The following KANK1 variants were observed in gnomAD, a reference collection of about 807,000 sequenced individuals.
KANK1 encodes the protein KN motif and ankyrin repeat domains 1.
KANK1 carries 109 observed loss-of-function variants against 106.2 expected under a neutral mutation model. The observed-to-expected ratio is 1.03, with a 90% CI of 0.88 to 1.20. The LOEUF is 1.20. Ranked by LOEUF, KANK1 falls within the 50% of genes most tolerant of loss-of-function variation. The probability of loss-of-function intolerance (pLI) is 0.00; values close to 1 mark genes in which losing one functional copy is unlikely to be tolerated. For synonymous variants in KANK1, 873 were observed against 652.2 expected (o/e 1.34, Z -5.16); for missense variants, 2,399 against 1,710.7 (o/e 1.40, Z -7.10).
At chr9:553,243 C>T (rs1298507669) in intron 1 of KANK1, among the ~76,000 whole-genome samples, 1 of 152,154 alleles carries the variant, frequency 6.6e-6, no homozygotes, top group Non-Finnish European at 1.5e-5. Context: ...ACAACCTCTA[C>T]CTTCCAGGGA....
intron 1 of KANK1, among the ~76,000 whole-genome samples, chr9:629,114 C>T (rs916058077): frequency 6.6e-6 from 1 of 151,540 alleles, no homozygotes; most frequent in Admixed American, 6.6e-5. Flanking sequence ...GCATGCTTTT[C>T]CTTTCTCTGT....
At chr9:700,046 A>G (rs1368219682) in intron 2 of KANK1, among the ~76,000 whole-genome samples, 1 of 152,216 alleles carries the variant, frequency 6.6e-6, no homozygotes, top group Non-Finnish European at 1.5e-5. Flanking sequence ...GTATTGGTGA[A>G]TTGCAGTAGG....
At chr9:594,738 C>G (rs575783136) in intron 1 of KANK1, among the ~76,000 whole-genome samples, 3 of 151,704 alleles carry the variant, frequency 2.0e-5, no homozygotes, top group Middle Eastern at 3.4e-3. Context: ...TCAGTTGTTT[C>G]TAGAATTTAA....
At chr9:499,546 C>T (rs1183510469) in intron 3 of KANK1, among the ~76,000 whole-genome samples, 1 of 152,164 alleles carries the variant, frequency 6.6e-6, no homozygotes, top group Non-Finnish European at 1.5e-5. Context: ...AGGCTGCTAC[C>T]AACTGCCATC....
At chr9:506,356 A>G (rs773759291) in intron 1 of KANK1, among the ~76,000 whole-genome samples, 2 of 152,212 alleles carry the variant, frequency 1.3e-5, no homozygotes, top group Admixed American at 6.5e-5. Context: ...GTTAAAATGA[A>G]TAAGGATGGA....
intron 10 of KANK1, among the ~76,000 whole-genome samples, chr9:744,046 C>G (rs1288823778): frequency 1.3e-5 from 2 of 152,208 alleles, no homozygotes; most frequent in African/African-American, 4.8e-5. Flanking sequence ...TGCTTACACA[C>G]AGATGTTACT....
chr9:521,404 G>T (rs1201739986), intron 1 of KANK1, among the ~76,000 whole-genome samples: 1 of 151,454 alleles, frequency 6.6e-6, no homozygotes, highest in Non-Finnish European at 1.5e-5. Context: ...GGTGCACCAA[G>T]CCTCAGCTGG....
At position 732,395 on chromosome 9, in the gene KANK1, G is replaced by A; in HGVS notation, c.3023G>A (p.Ser1008Asn). 1 of 1,611,824 alleles carries A rather than the reference G, an allele frequency of 6.2e-7. No homozygotes were observed. Among genetic ancestry groups the A allele is most frequent in the Non-Finnish European group, 8.5e-7 (1 of 1,178,038 alleles). Residue 1008 changes from serine (S) to asparagine (N), a missense_variant, in exon 6 of 12, where the codon AGT (serine) becomes AAT (asparagine). Transcript: ENST00000382297. ...CCACCTAGGTATGAAACAACTTCAAGTGATGATTCCAGCTCAGATGAAAGC... is the reference window on the plus strand; with the variant it reads ...CCACCTAGGTATGAAACAACTTCAAATGATGATTCCAGCTCAGATGAAAGC... ...GINGGYETTSSDDSSSDESSS... is the reference protein window; with the variant it reads ...GINGGYETTSNDDSSSDESSS...
intron 1 of KANK1, among the ~76,000 whole-genome samples, chr9:554,037 A>G (rs968244249): frequency 3.2e-4 from 49 of 152,194 alleles, no homozygotes; most frequent in African/African-American, 8.9e-4. Context: ...ATTTTTGACA[A>G]GTTACCAGCT....
At chr9:514,709 G>C (rs2059204361) in intron 1 of KANK1, among the ~76,000 whole-genome samples, 2 of 151,628 alleles carry the variant, frequency 1.3e-5, no homozygotes, top group Non-Finnish European at 2.9e-5. Flanking sequence ...TGAACGTTAG[G>C]TTTCTAGTTT....
chr9:647,076 C>G (rs889171490), intron 1 of KANK1, among the ~76,000 whole-genome samples: 1 of 151,086 alleles, frequency 6.6e-6, no homozygotes, highest in Non-Finnish European at 1.5e-5. Flanking sequence ...GAAGCCATCC[C>G]CATGACTTTG....
At chr9:473,694 G>T (rs2058057368) in intron 3 of KANK1, among the ~76,000 whole-genome samples, 2 of 151,832 alleles carry the variant, frequency 1.3e-5, no homozygotes, top group African/African-American at 4.8e-5. Flanking sequence ...CACCCAGAAA[G>T]AACAAGAATT....
chr9:551,181 C>T (rs192626040), intron 1 of KANK1, among the ~76,000 whole-genome samples: 3 of 151,622 alleles, frequency 2.0e-5, no homozygotes, highest in Admixed American at 6.6e-5. Context: ...CCTCTGTTGC[C>T]TGGGGCTTTT....
At chr9:480,378 T>C (rs1335928859) in intron 3 of KANK1, among the ~76,000 whole-genome samples, 1 of 152,218 alleles carries the variant, frequency 6.6e-6, no homozygotes, top group Non-Finnish European at 1.5e-5. Flanking sequence ...GCCCTTATTC[T>C]ATGTGAATGA....
rs151317311 is a variant in KANK1, at chr9:662,500, C to T, written c.-83-14390C>T. Reference sequence around the variant, plus strand: ...AGAGATAGACACTAATGGAATGGAACAGAGGCCTCAGAAATAACACCACAC... The same window carrying T: ...AGAGATAGACACTAATGGAATGGAATAGAGGCCTCAGAAATAACACCACAC... On this transcript the variant is annotated intron_variant, in intron 1 of 11. Coordinates refer to ENST00000382297, the MANE Select transcript of KANK1 (RefSeq NM_015158.5). Among the ~76,000 whole-genome samples, 835 of 151,358 alleles carry T rather than the reference C, an allele frequency of 5.5e-3. 8 individuals are homozygous for T. The highest frequency in any genetic ancestry group is 0.019 in the African/African-American group (786 of 41,092).
intron 2 of KANK1, among the ~76,000 whole-genome samples, chr9:684,977 A>AT (rs1818271730): frequency 6.6e-6 from 1 of 152,144 alleles, no homozygotes; most frequent in Admixed American, 6.5e-5. Flanking sequence ...AGGAAATCAG[A>AT]TTTTATAAGA....
At chr9:665,725 T>G (rs1844415277) in intron 1 of KANK1, among the ~76,000 whole-genome samples, 1 of 152,218 alleles carries the variant, frequency 6.6e-6, no homozygotes, top group Non-Finnish European at 1.5e-5. Flanking sequence ...AGGGATTACA[T>G]TGAATCAGTA....
chr9:657,832 C>A (rs988876962), intron 1 of KANK1, among the ~76,000 whole-genome samples: 1 of 151,844 alleles, frequency 6.6e-6, no homozygotes. Flanking sequence ...TAATAAAACA[C>A]AAGAAAATAT....
At chr9:506,605 G>C (rs534286596) in intron 1 of KANK1, among the ~76,000 whole-genome samples, 90 of 152,142 alleles carry the variant, frequency 5.9e-4, no homozygotes, top group African/African-American at 2.1e-3. Context: ...AGGCTTAAAA[G>C]TAATTTTTTA....
Sources: allele counts gnomAD v4.1 joint callset (sites outside exome capture counted in the v4.1 genomes callset), GRCh38; gene constraint gnomAD v4.1.1; transcripts MANE v1.5; gene names NCBI Gene and HGNC (gene_info 2026-07-23, HGNC 2026-07-21).